PRPF39: variants seen among roughly 807,000 people sequenced by gnomAD.
PRPF39 encodes the protein pre-mRNA-processing factor 39.
Under a neutral mutation model 82.1 loss-of-function variants are expected in PRPF39, and 27 were observed. The observed-to-expected ratio is 0.33, with a 90% CI of 0.24 to 0.45. PRPF39 has a LOEUF of 0.45. Among genes scored for constraint, PRPF39 ranks in the 20% least tolerant of loss-of-function variants. The pLI is 1.00. For synonymous variants in PRPF39, 261 were observed against 256.4 expected, an observed-to-expected ratio of 1.02 and a Z score of -0.17; for missense variants, 581 against 796.9, an observed-to-expected ratio of 0.73 and a Z score of 3.26.
chr14:45,104,105 T>TA (rs1356800848), intron 5 of PRPF39, among the ~76,000 whole-genome samples: 1 of 152,186 alleles, frequency 6.6e-6, no homozygotes, highest in East Asian at 1.9e-4. Context: ...ACTTGGAACT[T>TA]AGACAGTATG....
Position 45,114,583 on chromosome 14 carries a change from A to C in PRPF39, c.1922A>C (p.Gln641Pro). The C allele has an allele frequency of 6.2e-7, 1 of 1,610,142 alleles. No individual in the cohort carries two copies. Among genetic ancestry groups the C allele is most frequent in the Non-Finnish European group, 8.5e-7 (1 of 1,178,538 alleles). The change falls in exon 13 of 14, where the codon CAA becomes CCA. Residue 641 changes from glutamine to proline, a missense_variant. Transcript: ENST00000355765. ...ATTGATGGTGATTTACAGGCAAACCAAGCTGTATATAATTATAGTGCGTGG... is the reference window on the plus strand; with the variant it reads ...ATTGATGGTGATTTACAGGCAAACCCAGCTGTATATAATTATAGTGCGTGG... ...QMIDGDLQAN[Q>P]AVYNYSAWYQ...
At chr14:45,088,573 GCT>G (rs1233684770) in intron 1 of PRPF39, among the ~76,000 whole-genome samples, 4 of 152,154 alleles carry the variant, frequency 2.6e-5, no homozygotes, top group African/African-American at 9.7e-5. Flanking sequence ...TTGAATCTTA[GCT>G]CTGTTTCTTA....
At chr14:45,087,908 C>G (rs1040396360) in intron 1 of PRPF39, among the ~76,000 whole-genome samples, 2 of 152,028 alleles carry the variant, frequency 1.3e-5, no homozygotes, top group Admixed American at 1.3e-4. Flanking sequence ...CTTCTGGCCT[C>G]TAAAACCCAA....
chr14:45,096,323 C>T (rs1386801570), intron 3 of PRPF39, 95 bp downstream of exon 3: 3 of 1,419,272 alleles, frequency 2.1e-6, no homozygotes, highest in African/African-American at 1.7e-5. Context: ...TTTTGGCTGG[C>T]AGTACCTACC....
intron 5 of PRPF39, among the ~76,000 whole-genome samples, chr14:45,105,921 G>T (rs1361105000): frequency 6.6e-6 from 1 of 152,124 alleles, no homozygotes; most frequent in Non-Finnish European, 1.5e-5. Context: ...TGTTTATCCA[G>T]CTTAAAAGTC....
At position 45,116,044 on chromosome 14, in the gene PRPF39, G is replaced by A. The variant is rs1161088475; in HGVS notation, c.*1131G>A. On this transcript the variant is annotated 3_prime_UTR_variant, in exon 14 of 14. Coordinates refer to ENST00000355765, the MANE Select transcript of PRPF39 (RefSeq NM_017922.4). ...TTCATAAGGGATTTATCTCTCAAAA[G>A]CTGGGACCAAGTAAACAAATTTTAT... 1 of 576,866 alleles carries A rather than the reference G, an allele frequency of 1.7e-6. No homozygotes were observed. Among genetic ancestry groups the A allele is most frequent in the Non-Finnish European group, 3.2e-6 (1 of 316,112 alleles). 35.7% of individuals were successfully genotyped at this position (576,866 alleles called of 1,614,324 possible). A position where few individuals can be genotyped will look rare whatever the true frequency, so the allele number is the denominator to read the frequency against.
intron 5 of PRPF39, among the ~76,000 whole-genome samples, chr14:45,106,120 C>T (rs1219290842): frequency 1.3e-5 from 2 of 151,832 alleles, no homozygotes; most frequent in African/African-American, 4.8e-5. Flanking sequence ...GAGGCTGAGG[C>T]GGGTGGATCA....
At chr14:45,114,832 T>C in intron 13 of PRPF39, 25 bp from the exon 14 acceptor site, 4 of 1,560,078 alleles carry the variant, frequency 2.6e-6, no homozygotes, top group Non-Finnish European at 2.7e-6. Context: ...TCTAATATGC[T>C]AACATACTTA....
rs190211763 is a variant in PRPF39 at position 45,114,979 on chromosome 14, G to C, written c.*66G>C. On this transcript the variant is annotated 3_prime_UTR_variant, in exon 14 of 14. Transcript: ENST00000355765. The stretch of plus-strand genomic sequence containing the variant: ...TGAAATTATTATTTTTTTTAATGAG[G>C]GATGTAAACAGTATAAGCTTGTTGT... 6.5e-5 allele frequency: 83 copies of C among 1,279,728 alleles called. 3 individuals carry two copies. The Admixed American group carries it at 1.4e-3, about 21-fold the overall frequency. The allele number at this position is 1,279,728 out of a possible 1,614,324, so 79.3% of individuals were successfully genotyped here. A position where few individuals can be genotyped will look rare whatever the true frequency, so the allele number is the denominator to read the frequency against.
At position 45,095,234 on chromosome 14, in the gene PRPF39, G is replaced by T; in HGVS notation, c.-6G>T. 6.4e-7 allele frequency: 1 copy of T among 1,568,538 alleles called. No individual in the cohort carries two copies. Among genetic ancestry groups the T allele is most frequent in the Non-Finnish European group, 8.7e-7 (1 of 1,149,212 alleles). On this transcript the variant is annotated 5_prime_UTR_variant, in exon 2 of 14. Transcript: ENST00000355765. ...GTGTTTCCACAGATCGTTAACTGAA[G>T]ACAATATGCAAAATTCTCACATGGA...
intron 4 of PRPF39, among the ~76,000 whole-genome samples, chr14:45,102,265 A>G (rs948895956): frequency 1.6e-4 from 25 of 152,104 alleles, no homozygotes; most frequent in African/African-American, 5.1e-4. Context: ...ACTCTTACCT[A>G]TTTGCAATGT....
chr14:45,114,807 G>A, intron 13 of PRPF39, 50 bp from the exon 14 acceptor site: 1 of 1,481,800 alleles, frequency 6.7e-7, no homozygotes, highest in Non-Finnish European at 9.4e-7. Context: ...TTTACATATG[G>A]AACTCTGCCA....
chr14:45,109,559 G>T lies in PRPF39; in HGVS notation c.1012-57G>T, dbSNP rs549768106. 92 of 1,427,856 alleles carry T rather than the reference G, an allele frequency of 6.4e-5. No homozygotes were observed. In the African/African-American group the frequency reaches 1.2e-3, roughly 19 times the overall value. 88.4% of individuals were successfully genotyped at this position (1,427,856 alleles called of 1,614,324 possible). ...AATTATTTGTATTAACACTGTACAT[G>T]TGCATATTTTGGTGATATTGGTTTA... On this transcript the variant is annotated intron_variant, in intron 7 of 13. Transcript: ENST00000355765.
intron 5 of PRPF39, among the ~76,000 whole-genome samples, chr14:45,103,271 A>T (rs1460677180): frequency 6.6e-6 from 1 of 152,108 alleles, no homozygotes; most frequent in African/African-American, 2.4e-5. Context: ...AAAACAACTA[A>T]TTCTGTGTCA....
chr14:45,099,513 C>T (rs572224721), intron 4 of PRPF39, among the ~76,000 whole-genome samples: 66 of 152,066 alleles, frequency 4.3e-4, no homozygotes, highest in African/African-American at 9.9e-4. Context: ...GGCTCGATCT[C>T]GGCTCACTGC....
At chr14:45,097,493 A>C (rs1365292402) in intron 4 of PRPF39, among the ~76,000 whole-genome samples, 1 of 152,206 alleles carries the variant, frequency 6.6e-6, no homozygotes, top group Non-Finnish European at 1.5e-5. Context: ...TGTAGAATGC[A>C]CTAGAAATGG....
Position 45,115,877 on chromosome 14 carries a change from T to A in PRPF39, c.*964T>A, listed in dbSNP as rs1884821517. The A allele has an allele frequency of 4.2e-6, 1 of 237,692 alleles. No homozygotes were observed. 14.7% of individuals were successfully genotyped at this position (237,692 alleles called of 1,614,324 possible). On this transcript the variant is annotated 3_prime_UTR_variant, in exon 14 of 14. Transcript: ENST00000355765. ...TTCCCTAATCAGAACAATAATATAT[T>A]AACACCAAACAAATCACAGTCAGAT...
At chr14:45,111,560 G>C (rs1884696342) in intron 10 of PRPF39, among the ~76,000 whole-genome samples, 1 of 148,940 alleles carries the variant, frequency 6.7e-6, no homozygotes, top group Non-Finnish European at 1.5e-5. Context: ...TTGAATTCCT[G>C]ACCTCAGATG....
chr14:45,096,496 G>C, intron 3 of PRPF39: 1 of 1,451,086 alleles, frequency 6.9e-7, no homozygotes, highest in Non-Finnish European at 9.2e-7. Flanking sequence ...TTAACAAGTA[G>C]GGCAGGGCTT....
Sources: allele counts gnomAD v4.1 joint callset (sites outside exome capture counted in the v4.1 genomes callset), GRCh38; gene constraint gnomAD v4.1.1; transcripts MANE v1.5; gene names NCBI Gene and HGNC (gene_info 2026-07-23, HGNC 2026-07-21).